Variants in KCNH7 observed in about 807,000 individuals in gnomAD.
KCNH7 encodes the protein voltage-gated inwardly rectifying potassium channel KCNH7.
Under a neutral mutation model 120.8 loss-of-function variants are expected in KCNH7, and 49 were observed. The observed-to-expected ratio is 0.41, with a 90% CI of 0.32 to 0.51. KCNH7 has a LOEUF of 0.51. Among genes scored for constraint, KCNH7 ranks in the 20% least tolerant of loss-of-function variants. The pLI, the probability that KCNH7 is intolerant of heterozygous loss-of-function variation, is 0.38. For synonymous variants in KCNH7, 547 were observed against 516.1 expected (o/e 1.06, Z -0.81); for missense variants, 1,097 against 1,446.6 (o/e 0.76, Z 3.92).
chr2:162,559,647 C>T (rs1692992426), intron 2 of KCNH7, among the ~76,000 whole-genome samples: 1 of 152,166 alleles, frequency 6.6e-6, no homozygotes, highest in African/African-American at 2.4e-5. Context: ...TTCATTGTAA[C>T]CTCTTCACAA....
At chr2:162,741,632 T>A (rs1183309668) in intron 2 of KCNH7, among the ~76,000 whole-genome samples, 1 of 152,124 alleles carries the variant, frequency 6.6e-6, no homozygotes, top group Non-Finnish European at 1.5e-5. Context: ...AGTATGAACA[T>A]GTCAGCTTTT....
At position 162,728,092 on chromosome 2, in the gene KCNH7, C is replaced by A. The variant is rs181905202; in HGVS notation, c.307+108445G>T. Reference sequence around the variant, plus strand: ...ATAATTAATTTTATTTTAAAAACTCCTTTTTTTTCCATTTTCATCAGCAGT... The same window carrying A: ...ATAATTAATTTTATTTTAAAAACTCATTTTTTTTCCATTTTCATCAGCAGT... On this transcript the variant is annotated intron_variant, in intron 2 of 15. Transcript: ENST00000332142. 6.3e-3 allele frequency among the ~76,000 whole-genome samples: 955 copies of A among 151,264 alleles called. 8 individuals are homozygous for A. Among genetic ancestry groups the A allele is most frequent in the Non-Finnish European group, 7.9e-3 (536 of 67,796 alleles).
At chr2:162,470,397 C>A (rs1234830472) in intron 6 of KCNH7, among the ~76,000 whole-genome samples, 1 of 151,724 alleles carries the variant, frequency 6.6e-6, no homozygotes, top group African/African-American at 2.4e-5. Context: ...TGCCCGGCCG[C>A]CCCGTCTGAG....
chr2:162,755,734 T>A (rs917409093), intron 2 of KCNH7, among the ~76,000 whole-genome samples: 1 of 152,174 alleles, frequency 6.6e-6, no homozygotes, highest in African/African-American at 2.4e-5. Flanking sequence ...TATTATTTAA[T>A]TATTGAATTA....
intron 9 of KCNH7, among the ~76,000 whole-genome samples, chr2:162,421,045 G>T (rs1158864271): frequency 6.6e-6 from 1 of 151,942 alleles, no homozygotes; most frequent in African/African-American, 2.4e-5. Flanking sequence ...TCCATTTGCT[G>T]AGTGTTCAGA....
chr2:162,653,403 T>C (rs1684634772), intron 2 of KCNH7, among the ~76,000 whole-genome samples: 1 of 151,946 alleles, frequency 6.6e-6, no homozygotes, highest in East Asian at 1.9e-4. Flanking sequence ...AAAATCAACA[T>C]ACAAAAATCA....
intron 2 of KCNH7, among the ~76,000 whole-genome samples, chr2:162,706,734 C>T (rs1402660571): frequency 2.0e-5 from 3 of 152,102 alleles, no homozygotes; most frequent in Non-Finnish European, 2.9e-5. Context: ...CATGGCACCA[C>T]CTCTGAAATG....
intron 2 of KCNH7, among the ~76,000 whole-genome samples, chr2:162,727,537 A>G (rs149692350): frequency 7.2e-5 from 11 of 152,258 alleles, no homozygotes; most frequent in Non-Finnish European, 1.5e-5. Flanking sequence ...CTTTGTTACT[A>G]CAGTTTTACT....
At position 162,701,052 on chromosome 2, in the gene KCNH7, G is replaced by T. The variant is rs1200817220; in HGVS notation, c.307+135485C>A. ...TAATCAGATGCTGTTTATAAGGAAG[G>T]ACAATCACATTGCATCCCTGGCCCC... On this transcript the variant is annotated intron_variant, in intron 2 of 15. Transcript: ENST00000332142. Among the ~76,000 whole-genome samples the T allele has an allele frequency of 2.0e-5, 3 of 152,120 alleles. No individual in the cohort carries two copies. The East Asian group carries it at 5.8e-4, about 29-fold the overall frequency.
intron 2 of KCNH7, among the ~76,000 whole-genome samples, chr2:162,583,365 C>A (rs538109777): frequency 6.6e-6 from 1 of 152,148 alleles, no homozygotes; most frequent in East Asian, 1.9e-4. Context: ...TGATACACAG[C>A]AGGATATCAC....
intron 2 of KCNH7, among the ~76,000 whole-genome samples, chr2:162,718,531 TC>T (rs1053101323): frequency 4.6e-5 from 7 of 152,056 alleles, no homozygotes; most frequent in African/African-American, 1.7e-4. Flanking sequence ...GCTTATACAT[TC>T]TTCATCAAAA....
intron 2 of KCNH7, among the ~76,000 whole-genome samples, chr2:162,808,234 T>G (rs1414545463): frequency 6.6e-6 from 1 of 152,226 alleles, no homozygotes; most frequent in Non-Finnish European, 1.5e-5. Flanking sequence ...TGTATTAATT[T>G]TTATTGTTTT....
intron 2 of KCNH7, among the ~76,000 whole-genome samples, chr2:162,556,848 C>T (rs1052998741): frequency 6.6e-6 from 1 of 152,152 alleles, no homozygotes; most frequent in Non-Finnish European, 1.5e-5. Flanking sequence ...AACCACACAG[C>T]ATTACTATGA....
At chr2:162,472,407 C>T (rs576102133) in intron 6 of KCNH7, among the ~76,000 whole-genome samples, 151 of 152,282 alleles carry the variant, frequency 9.9e-4, no homozygotes, top group Non-Finnish European at 1.6e-3. Flanking sequence ...AAACAAACAA[C>T]CCCATCAACA....
chr2:162,834,638 A>T (rs1345210658), intron 2 of KCNH7, among the ~76,000 whole-genome samples: 1 of 152,156 alleles, frequency 6.6e-6, no homozygotes, highest in African/African-American at 2.4e-5. Context: ...AATATGTTCA[A>T]TACAGAAAAT....
At chr2:162,589,552 C>T (rs1423520982) in intron 2 of KCNH7, among the ~76,000 whole-genome samples, 2 of 151,962 alleles carry the variant, frequency 1.3e-5, no homozygotes, top group African/African-American at 4.8e-5. Flanking sequence ...TTTTGTAGAG[C>T]ACAAACTCTC....
intron 2 of KCNH7, among the ~76,000 whole-genome samples, chr2:162,562,521 G>A (rs1693108089): frequency 6.6e-6 from 1 of 152,112 alleles, no homozygotes; most frequent in Admixed American, 6.5e-5. Flanking sequence ...CAAAAGTAAA[G>A]TATAAGAGAG....
intron 2 of KCNH7, among the ~76,000 whole-genome samples, chr2:162,822,337 G>T (rs1305210814): frequency 1.3e-5 from 2 of 151,852 alleles, no homozygotes; most frequent in Non-Finnish European, 2.9e-5. Flanking sequence ...GGTACCTGGA[G>T]CTGTTTTAAG....
At chr2:162,624,245 A>G (rs939475444) in intron 2 of KCNH7, among the ~76,000 whole-genome samples, 1 of 152,018 alleles carries the variant, frequency 6.6e-6, no homozygotes, top group Non-Finnish European at 1.5e-5. Context: ...TACATCATTC[A>G]CCTCACTTCA....
Sources: gnomAD v4.1 joint callset for allele counts (sites outside exome capture counted in the v4.1 genomes callset) on GRCh38, gnomAD v4.1.1 for gene constraint, MANE v1.5 for transcripts, NCBI Gene and HGNC (gene_info 2026-07-23, HGNC 2026-07-21) for gene names.